ADGRV1: variants seen among roughly 807,000 people sequenced by gnomAD.
ADGRV1 encodes the protein G-protein coupled receptor 98.
ADGRV1 carries 359 observed loss-of-function variants against 596.2 expected under a neutral mutation model. That is an observed-to-expected ratio of 0.60 (90% CI 0.55 to 0.66). ADGRV1 has a LOEUF of 0.66. ADGRV1 is among the 30% of genes least tolerant of loss of function. ADGRV1 has a pLI of 0.00. For synonymous variants in ADGRV1, 2,681 were observed against 2,679.2 expected, an observed-to-expected ratio of 1.00 and a Z score of -0.02; for missense variants, 7,274 against 7,575.6, an observed-to-expected ratio of 0.96 and a Z score of 1.48.
intron 83 of ADGRV1, among the ~76,000 whole-genome samples, chr5:90,872,520 C>G (rs1768793718): frequency 6.6e-6 from 1 of 151,002 alleles, no homozygotes; most frequent in Non-Finnish European, 1.5e-5. Flanking sequence ...TACTTGGCTC[C>G]ATAGCTGAAG....
chr5:90,805,899 C>A (rs1247154708), intron 72 of ADGRV1, among the ~76,000 whole-genome samples: 1 of 152,074 alleles, frequency 6.6e-6, no homozygotes, highest in Non-Finnish European at 1.5e-5. Flanking sequence ...TAGTGAGATG[C>A]AAATGTTAGA....
rs1389011324 is a variant in ADGRV1, at chr5:90,703,566, G to C, written c.8156-99G>C. The stretch of plus-strand genomic sequence containing the variant: ...GCTTTGTAATGTTCTTGGGAAAGGT[G>C]CTGTAATAGTTGCATGCTTGGGATT... On this transcript the variant is annotated intron_variant, in intron 34 of 89. Transcript: ENST00000405460. 5 of 776,732 alleles carry C rather than the reference G, an allele frequency of 6.4e-6. No homozygotes were observed. In the South Asian group the frequency reaches 9.4e-5, roughly 15 times the overall value. The allele number at this position is 776,732 out of a possible 1,614,324, so 48.1% of individuals were successfully genotyped here.
intron 87 of ADGRV1, among the ~76,000 whole-genome samples, chr5:91,123,407 TA>T (rs922168655): frequency 2.6e-5 from 4 of 152,142 alleles, no homozygotes; most frequent in Admixed American, 2.6e-4. Context: ...CTGTTTCTCG[TA>T]GATGGTGCCT....
At chr5:90,599,657 G>T (rs1444366208) in intron 1 of ADGRV1, among the ~76,000 whole-genome samples, 1 of 152,018 alleles carries the variant, frequency 6.6e-6, no homozygotes. Context: ...AGAAGCCAGA[G>T]AAGCCCAATC....
At chr5:90,790,144 G>A (rs919177816) in intron 69 of ADGRV1, among the ~76,000 whole-genome samples, 3 of 152,100 alleles carry the variant, frequency 2.0e-5, no homozygotes, top group Non-Finnish European at 2.9e-5. Context: ...TAATGTGAAG[G>A]CTTTCCTACT....
At chr5:90,561,054 T>A (rs1024487689) in intron 1 of ADGRV1, among the ~76,000 whole-genome samples, 1 of 152,216 alleles carries the variant, frequency 6.6e-6, no homozygotes, top group African/African-American at 2.4e-5. Context: ...ATTTATTGAA[T>A]ATACGTTGTA....
At chr5:90,595,849 A>C (rs1381977382) in intron 1 of ADGRV1, among the ~76,000 whole-genome samples, 3 of 119,430 alleles carry the variant, frequency 2.5e-5, no homozygotes, top group Admixed American at 8.5e-5. Context: ...TGACGCCCCC[A>C]CCTCCCTCCC....
At position 90,558,813 on chromosome 5, in the gene ADGRV1, A is replaced by G; in HGVS notation, c.-83A>G. The G allele has an allele frequency of 7.3e-7, 1 of 1,367,668 alleles. No individual in the cohort carries two copies. Among genetic ancestry groups the G allele is most frequent in the Non-Finnish European group, 1.0e-6 (1 of 979,096 alleles). 84.7% of individuals were successfully genotyped at this position (1,367,668 alleles called of 1,614,324 possible). Reference sequence around the variant, plus strand: ...TCCTGTAGTGGTAGTAAGAATCAGCAGCGCGGGCAAGGAGTACGGACGGGA... The same window carrying G: ...TCCTGTAGTGGTAGTAAGAATCAGCGGCGCGGGCAAGGAGTACGGACGGGA... On this transcript the variant is annotated 5_prime_UTR_variant, in exon 1 of 90. Coordinates refer to ENST00000405460, the MANE Select transcript of ADGRV1 (RefSeq NM_032119.4).
intron 56 of ADGRV1, 67 bp from the exon 57 acceptor site, chr5:90,756,912 C>G: frequency 7.8e-7 from 1 of 1,282,286 alleles, no homozygotes; most frequent in Non-Finnish European, 1.1e-6. Flanking sequence ...GAAACAATAA[C>G]TTTAGAAAGA....
At chr5:90,955,590 G>T (rs1777404860) in intron 83 of ADGRV1, among the ~76,000 whole-genome samples, 2 of 152,168 alleles carry the variant, frequency 1.3e-5, no homozygotes, top group African/African-American at 2.4e-5. Flanking sequence ...GAAAAGATCT[G>T]ATTTGTAAAA....
At chr5:90,688,007 T>C (rs1041574586) in intron 29 of ADGRV1, among the ~76,000 whole-genome samples, 4 of 152,082 alleles carry the variant, frequency 2.6e-5, no homozygotes, top group Admixed American at 2.6e-4. Context: ...GCCATCCCCA[T>C]CAAGCTACCA....
At chr5:90,592,108 T>C (rs1317308121) in intron 1 of ADGRV1, among the ~76,000 whole-genome samples, 1 of 152,236 alleles carries the variant, frequency 6.6e-6, no homozygotes, top group Non-Finnish European at 1.5e-5. Flanking sequence ...GCAGTCCCAC[T>C]CCTGGGTATC....
intron 79 of ADGRV1, among the ~76,000 whole-genome samples, chr5:90,849,588 C>T (rs1247848885): frequency 1.3e-5 from 2 of 152,024 alleles, no homozygotes; most frequent in Non-Finnish European, 2.9e-5. Flanking sequence ...TAGAATTTCA[C>T]CATGTTGCTC....
chr5:90,982,746 C>CT (rs35178070), intron 84 of ADGRV1, among the ~76,000 whole-genome samples: 111,283 of 151,992 alleles, frequency 0.73, 41,353 homozygotes, highest in African/African-American at 0.85. Context: ...TTGGCTCAGC[C>CT]GGGCCAGGCT....
At chr5:90,988,797 C>A (rs1379867324) in intron 85 of ADGRV1, among the ~76,000 whole-genome samples, 5 of 128,314 alleles carry the variant, frequency 3.9e-5, no homozygotes, top group Non-Finnish European at 6.5e-5. Context: ...CCCCTCCCCC[C>A]ACCCCACAAC....
intron 15 of ADGRV1, 104 bp downstream of exon 15, chr5:90,644,973 T>C (rs1767528580): frequency 2.3e-6 from 2 of 872,332 alleles, no homozygotes; most frequent in Non-Finnish European, 3.3e-6. Flanking sequence ...GATAAAAGTT[T>C]GTAATAAAGA....
At chr5:91,008,295 G>A (rs956153253) in intron 85 of ADGRV1, among the ~76,000 whole-genome samples, 1 of 152,046 alleles carries the variant, frequency 6.6e-6, no homozygotes, top group Non-Finnish European at 1.5e-5. Context: ...TCCCAACGTG[G>A]TAGCTTCCAA....
chr5:90,944,107 C>G (rs1366542432), intron 83 of ADGRV1, among the ~76,000 whole-genome samples: 1 of 152,150 alleles, frequency 6.6e-6, no homozygotes, highest in Non-Finnish European at 1.5e-5. Context: ...TTATTCATTT[C>G]TATATACTCA....
chr5:90,846,494 G>T (rs1377631236), intron 78 of ADGRV1: 1 of 175,626 alleles, frequency 5.7e-6, no homozygotes, highest in Non-Finnish European at 1.1e-5. Flanking sequence ...CTGACTTCAA[G>T]AATGAAGCCG....
Sources: allele counts gnomAD v4.1 joint callset (sites outside exome capture counted in the v4.1 genomes callset), GRCh38; gene constraint gnomAD v4.1.1; transcripts MANE v1.5; gene names NCBI Gene and HGNC (gene_info 2026-07-23, HGNC 2026-07-21).